CSMD1: variants seen among roughly 807,000 people sequenced by gnomAD.
CSMD1 encodes the protein CUB and sushi domain-containing protein 1.
Under a neutral mutation model 417.5 loss-of-function variants are expected in CSMD1, and 213 were observed. The observed-to-expected ratio is 0.51, with a 90% CI of 0.46 to 0.57. CSMD1 has a LOEUF of 0.57. CSMD1 is among the 20% of genes least tolerant of loss of function. The pLI is 0.00. For missense variants in CSMD1, 6,923 were observed against 4,529.7 expected (o/e 1.53, Z -15.17); for synonymous variants, 2,862 against 1,736.8 (o/e 1.65, Z -16.11).
intron 10 of CSMD1, among the ~76,000 whole-genome samples, chr8:3,569,267 T>C (rs531768429): frequency 1.8e-4 from 27 of 152,288 alleles, no homozygotes; most frequent in Admixed American, 4.6e-4. Flanking sequence ...TGACATGATA[T>C]AGCATGATAA....
chr8:4,313,999 G>C (rs1351256526), intron 3 of CSMD1, among the ~76,000 whole-genome samples: 2 of 151,154 alleles, frequency 1.3e-5, no homozygotes, highest in African/African-American at 2.4e-5. Flanking sequence ...GGGCAACAAA[G>C]TGAGAATCCG....
intron 2 of CSMD1, among the ~76,000 whole-genome samples, chr8:4,548,146 G>A (rs978462965): frequency 2.0e-5 from 3 of 151,164 alleles, no homozygotes; most frequent in African/African-American, 4.9e-5. Flanking sequence ...GGATGGTACC[G>A]AATGTCTAGG....
rs374049902 is a variant in CSMD1 at position 4,275,059 on chromosome 8, C to G, written c.415+144894G>C. Among the ~76,000 whole-genome samples, 131 of 152,212 alleles carry G rather than the reference C, an allele frequency of 8.6e-4. 1 individual carries two copies. Among genetic ancestry groups the G allele is most frequent in the South Asian group, 6.0e-3 (29 of 4,818 alleles). ...CTTAAACTACTTGCTCCAAGAAATTCTTCTAACAATGAGATTAGTGATATA... is the reference window on the plus strand; with the variant it reads ...CTTAAACTACTTGCTCCAAGAAATTGTTCTAACAATGAGATTAGTGATATA... On this transcript the variant is annotated intron_variant, in intron 3 of 69. Transcript: ENST00000635120.
At chr8:4,567,352 G>C (rs1021818203) in intron 2 of CSMD1, among the ~76,000 whole-genome samples, 1 of 152,172 alleles carries the variant, frequency 6.6e-6, no homozygotes, top group African/African-American at 2.4e-5. Flanking sequence ...AGTGAAACAT[G>C]CACTTGGAAG....
intron 5 of CSMD1, among the ~76,000 whole-genome samples, chr8:3,780,101 T>C (rs992625261): frequency 6.6e-6 from 1 of 152,350 alleles, no homozygotes; most frequent in Admixed American, 6.5e-5. Flanking sequence ...CCAGTCGGTG[T>C]TGCATTAGAA....
At chr8:3,247,367 C>G (rs536720538) in intron 26 of CSMD1, among the ~76,000 whole-genome samples, 1 of 152,230 alleles carries the variant, frequency 6.6e-6, no homozygotes, top group East Asian at 1.9e-4. Flanking sequence ...TGCTCCTGAA[C>G]CGCTAGCAGT....
At chr8:3,889,381 T>G (rs1044985372) in intron 5 of CSMD1, among the ~76,000 whole-genome samples, 1 of 147,814 alleles carries the variant, frequency 6.8e-6, no homozygotes, top group African/African-American at 2.5e-5. Flanking sequence ...TTTAAAATTT[T>G]AATATTTTTT....
chr8:3,851,013 T>C (rs1377989371), intron 5 of CSMD1, among the ~76,000 whole-genome samples: 3 of 152,200 alleles, frequency 2.0e-5, no homozygotes, highest in East Asian at 1.9e-4. Flanking sequence ...TATCTATGTG[T>C]TTTTCCTGCA....
chr8:3,090,256 G>C (rs866787319), intron 48 of CSMD1, among the ~76,000 whole-genome samples: 1 of 139,608 alleles, frequency 7.2e-6, no homozygotes, highest in Non-Finnish European at 1.5e-5. Flanking sequence ...GGCGGAGCTT[G>C]CAGTGAGCCG....
chr8:4,061,926 C>A (rs570436021), intron 3 of CSMD1, among the ~76,000 whole-genome samples: 1 of 152,254 alleles, frequency 6.6e-6, no homozygotes, highest in South Asian at 2.1e-4. Flanking sequence ...TTATGCATTA[C>A]TGACTAACGA....
intron 1 of CSMD1, among the ~76,000 whole-genome samples, chr8:4,964,978 T>C (rs1234870271): frequency 6.6e-6 from 1 of 152,188 alleles, no homozygotes; most frequent in African/African-American, 2.4e-5. Flanking sequence ...TGATTCCTTT[T>C]GCTTTGGGTC....
intron 4 of CSMD1, among the ~76,000 whole-genome samples, chr8:3,998,392 A>G (rs1213896878): frequency 6.6e-6 from 1 of 152,208 alleles, no homozygotes; most frequent in Non-Finnish European, 1.5e-5. Flanking sequence ...TGTACCTGAC[A>G]TTGATAGGCA....
chr8:4,638,580 T>C (rs774181966), intron 1 of CSMD1, among the ~76,000 whole-genome samples: 1 of 152,128 alleles, frequency 6.6e-6, no homozygotes, highest in Non-Finnish European at 1.5e-5. Flanking sequence ...GAAAGGAAGG[T>C]GTACCACAAA....
chr8:3,567,235 A>T (rs1225537771), intron 10 of CSMD1, among the ~76,000 whole-genome samples: 1 of 152,116 alleles, frequency 6.6e-6, no homozygotes, highest in Non-Finnish European at 1.5e-5. Context: ...ACATGGACAC[A>T]AAGAGGGAAA....
chr8:3,965,881 T>A (rs1011404665), intron 5 of CSMD1, among the ~76,000 whole-genome samples: 1 of 152,182 alleles, frequency 6.6e-6, no homozygotes, highest in Non-Finnish European at 1.5e-5. Context: ...CCTTTTGAAG[T>A]GCTAGGACTA....
chr8:3,771,869 G>C (rs1798592001), intron 5 of CSMD1, among the ~76,000 whole-genome samples: 1 of 151,952 alleles, frequency 6.6e-6, no homozygotes, highest in South Asian at 2.1e-4. Context: ...GCCCACTTTT[G>C]AATCTGCCAC....
chr8:3,941,601 A>G (rs1810886858), intron 5 of CSMD1, among the ~76,000 whole-genome samples: 1 of 152,186 alleles, frequency 6.6e-6, no homozygotes, highest in Admixed American at 6.5e-5. Context: ...AATAATAAGC[A>G]TATGGTAATT....
rs199628791 is a variant in CSMD1 at position 4,566,631 on chromosome 8, T to C, written c.302+70711A>G. 1.9e-3 allele frequency among the ~76,000 whole-genome samples: 215 copies of C among 113,230 alleles called. 2 individuals carry two copies. In the East Asian group the frequency reaches 0.037, roughly 19 times the overall value. The allele number at this position is 113,230 out of a possible 152,430, so 74.3% of individuals were successfully genotyped here. A position where few individuals can be genotyped will look rare whatever the true frequency, so the allele number is the denominator to read the frequency against. On this transcript the variant is annotated intron_variant, in intron 2 of 69. Coordinates refer to ENST00000635120, the MANE Select transcript of CSMD1 (RefSeq NM_033225.6). ...TCGCACCACTGCACTCCAGCCTGGG[T>C]GACAGAGGGAGACTCTGACTCAAAA...
intron 3 of CSMD1, among the ~76,000 whole-genome samples, chr8:4,149,304 C>G (rs1017549719): frequency 6.6e-6 from 1 of 152,152 alleles, no homozygotes; most frequent in East Asian, 1.9e-4. Context: ...GATAAGCTTT[C>G]ACATATTCAC....
Sources: gnomAD v4.1 joint callset for allele counts (sites outside exome capture counted in the v4.1 genomes callset) on GRCh38, gnomAD v4.1.1 for gene constraint, MANE v1.5 for transcripts, NCBI Gene and HGNC (gene_info 2026-07-23, HGNC 2026-07-21) for gene names.